The following CPA6 variants were observed in gnomAD, a reference collection of about 807,000 sequenced individuals.
CPA6 encodes the protein carboxypeptidase A6.
Under a neutral mutation model 63.3 loss-of-function variants are expected in CPA6, and 58 were observed. The observed-to-expected ratio is 0.92, with a 90% CI of 0.74 to 1.14. The LOEUF (loss-of-function observed/expected upper bound fraction) is 1.14, where lower values mean the gene tolerates loss of function less well. Among genes scored for constraint, CPA6 ranks in the 50% most tolerant of loss-of-function variants. The probability of loss-of-function intolerance (pLI) is 0.00; values close to 1 mark genes in which losing one functional copy is unlikely to be tolerated. For synonymous variants in CPA6, 185 were observed against 179.0 expected (o/e 1.03, Z -0.27); for missense variants, 565 against 526.6 (o/e 1.07, Z -0.71).
rs1047034101 is a variant in CPA6, at chr8:67,649,583, G to A, written c.117-25332C>T. Among the ~76,000 whole-genome samples, 20 of 152,084 alleles carry A rather than the reference G, an allele frequency of 1.3e-4. 2 individuals are homozygous for A. The highest frequency in any genetic ancestry group is 1.2e-3 in the Admixed American group (19 of 15,256). On this transcript the variant is annotated intron_variant, in intron 1 of 10. Coordinates refer to ENST00000297770, the MANE Select transcript of CPA6 (RefSeq NM_020361.5). ...TTAAGGATTTGAGGAAATAGTAAAC[G>A]AAGGCAATGATTATTTGTATATACA...
intron 2 of CPA6, among the ~76,000 whole-genome samples, chr8:67,522,257 C>G (rs925925797): frequency 6.6e-6 from 1 of 152,178 alleles, no homozygotes; most frequent in African/African-American, 2.4e-5. Context: ...TCACAGATGG[C>G]TACCCACTTT....
chr8:67,742,735 T>C (rs1000170939), intron 1 of CPA6, among the ~76,000 whole-genome samples: 2 of 152,166 alleles, frequency 1.3e-5, no homozygotes, highest in Non-Finnish European at 2.9e-5. Flanking sequence ...TTAAATAACT[T>C]GTCTAAGATA....
intron 2 of CPA6, among the ~76,000 whole-genome samples, chr8:67,610,240 A>G (rs879650327): frequency 6.6e-6 from 1 of 152,028 alleles, no homozygotes; most frequent in Non-Finnish European, 1.5e-5. Context: ...TTATCTGGGC[A>G]TAGTGGTATG....
chr8:67,422,098 T>C lies in CPA6; in HGVS notation c.*406A>G, dbSNP rs1037843549. ...ATGTTTATTACATTAAGAAGCATAG[T>C]TGTTTTTTTCCATTTCATAATTTTC... On this transcript the variant is annotated 3_prime_UTR_variant, in exon 11 of 11. Coordinates refer to ENST00000297770, the MANE Select transcript of CPA6 (RefSeq NM_020361.5). 1 of 158,172 alleles carries C rather than the reference T, an allele frequency of 6.3e-6. No homozygotes were observed. Among genetic ancestry groups the C allele is most frequent in the Non-Finnish European group, 1.4e-5 (1 of 71,834 alleles). 9.8% of individuals were successfully genotyped at this position (158,172 alleles called of 1,614,324 possible).
chr8:67,616,501 ATGTGTGTGTGTGTGTGTGTG>A (rs4009134), intron 2 of CPA6, among the ~76,000 whole-genome samples: 22 of 126,950 alleles, frequency 1.7e-4, no homozygotes, highest in Admixed American at 5.6e-4. Context: ...GGCAAATTGA[ATGTGTGTGTGTGTGTGTGTG>A]TGTGTGTGTG....
chr8:67,554,403 C>T (rs1156490422), intron 2 of CPA6, among the ~76,000 whole-genome samples: 1 of 152,160 alleles, frequency 6.6e-6, no homozygotes, highest in Non-Finnish European at 1.5e-5. Context: ...AAGTCACTCA[C>T]TGTCATGAGG....
intron 9 of CPA6, among the ~76,000 whole-genome samples, chr8:67,429,040 C>T (rs1450389501): frequency 6.6e-6 from 1 of 152,066 alleles, no homozygotes; most frequent in Non-Finnish European, 1.5e-5. Flanking sequence ...CCCCTTAATT[C>T]AGTAGGAATG....
chr8:67,506,941 C>T (rs1000003210), intron 5 of CPA6, 53 bp from the exon 6 acceptor site: 4 of 1,233,470 alleles, frequency 3.2e-6, no homozygotes, highest in East Asian at 2.3e-5. Flanking sequence ...ATTCACTGAC[C>T]AGCATAATTT....
chr8:67,516,403 T>A lies in CPA6; in HGVS notation c.317+1520A>T, dbSNP rs530814098. ...TGCACATTCTCTCTGGCATCATCGA[T>A]GTCTCCCTCCCTACAGGCTCTTCCC... is the stretch of plus-strand genomic sequence containing the variant. On this transcript the variant is annotated intron_variant, in intron 3 of 10. Transcript: ENST00000297770. 1.4e-4 allele frequency among the ~76,000 whole-genome samples: 21 copies of A among 152,342 alleles called. No homozygotes were observed. In the South Asian group the frequency reaches 4.4e-3, roughly 32 times the overall value.
chr8:67,586,724 G>A (rs1164199956), intron 2 of CPA6, among the ~76,000 whole-genome samples: 1 of 152,140 alleles, frequency 6.6e-6, no homozygotes, highest in African/African-American at 2.4e-5. Flanking sequence ...AGGTGATGTT[G>A]TTGCTAGAAT....
chr8:67,694,559 G>T (rs567888046), intron 1 of CPA6, among the ~76,000 whole-genome samples: 14 of 152,300 alleles, frequency 9.2e-5, no homozygotes, highest in African/African-American at 3.1e-4. Flanking sequence ...AGGCCCTGAA[G>T]GCACAATTAA....
chr8:67,605,602 G>A (rs1197909517), intron 2 of CPA6, among the ~76,000 whole-genome samples: 1 of 146,486 alleles, frequency 6.8e-6, no homozygotes, highest in African/African-American at 2.5e-5. Context: ...TCCCATGGAT[G>A]TGGGGACCTA....
intron 3 of CPA6, among the ~76,000 whole-genome samples, chr8:67,514,771 G>A (rs1812109579): frequency 6.6e-6 from 1 of 152,178 alleles, no homozygotes; most frequent in Non-Finnish European, 1.5e-5. Context: ...GCATGTGAGT[G>A]GTTACTGAGC....
At chr8:67,543,794 A>ATTATTATTATTAT (rs1480404746) in intron 2 of CPA6, among the ~76,000 whole-genome samples, 7 of 150,814 alleles carry the variant, frequency 4.6e-5, no homozygotes, top group Non-Finnish European at 8.9e-5. Flanking sequence ...TATTATTATT[A>ATTATTATTATTAT]TTTTTAAGAG....
At chr8:67,611,107 G>C (rs1026238754) in intron 2 of CPA6, among the ~76,000 whole-genome samples, 2 of 150,098 alleles carry the variant, frequency 1.3e-5, no homozygotes, top group African/African-American at 4.9e-5. Flanking sequence ...TTTTGAGATG[G>C]AGTATTGCTC....
intron 1 of CPA6, among the ~76,000 whole-genome samples, chr8:67,698,623 T>C (rs1048515185): frequency 2.6e-5 from 4 of 152,124 alleles, no homozygotes; most frequent in Non-Finnish European, 5.9e-5. Context: ...CGATTCTGTG[T>C]CTATACTGAA....
chr8:67,476,843 T>C (rs552127281), intron 8 of CPA6, among the ~76,000 whole-genome samples: 7 of 152,322 alleles, frequency 4.6e-5, no homozygotes, highest in Non-Finnish European at 1.0e-4. Flanking sequence ...TAGTAGCATC[T>C]ACCAATGAGA....
chr8:67,436,765 G>A (rs552220852), intron 8 of CPA6, among the ~76,000 whole-genome samples: 3 of 152,174 alleles, frequency 2.0e-5, no homozygotes, highest in Non-Finnish European at 4.4e-5. Context: ...AAGTATTATG[G>A]TTCTAAGAAA....
rs1428415693 is a variant in CPA6 at position 67,505,093 on chromosome 8, T to C, written c.636+1694A>G. Among the ~76,000 whole-genome samples the C allele has an allele frequency of 5.9e-5, 9 of 152,276 alleles. No individual in the cohort carries two copies. In the East Asian group the frequency reaches 1.7e-3, roughly 29 times the overall value. On this transcript the variant is annotated intron_variant, in intron 6 of 10. Transcript: ENST00000297770. ...CTTGGAAATTTAGCCCAGGTTACAGTGCTGCTGTATATGGCTCTACAGATT... is the reference window on the plus strand; with the variant it reads ...CTTGGAAATTTAGCCCAGGTTACAGCGCTGCTGTATATGGCTCTACAGATT...
Sources: allele counts gnomAD v4.1 joint callset (sites outside exome capture counted in the v4.1 genomes callset), GRCh38; gene constraint gnomAD v4.1.1; transcripts MANE v1.5; gene names NCBI Gene and HGNC (gene_info 2026-07-23, HGNC 2026-07-21).